GIPC2: variants seen among roughly 807,000 people sequenced by gnomAD.
GIPC2 encodes the protein PDZ domain-containing protein GIPC2.
A neutral mutation model predicts 30.6 loss-of-function variants in GIPC2; 30 were observed. That is an observed-to-expected ratio of 0.98 (90% CI 0.73 to 1.33). The LOEUF is 1.33. Ranked by LOEUF, GIPC2 falls within the 40% of genes most tolerant of loss-of-function variation. GIPC2 has a pLI of 0.00. For missense variants in GIPC2, 414 were observed against 390.3 expected (o/e 1.06, Z -0.51); for synonymous variants, 167 against 150.0 (o/e 1.11, Z -0.83).
intron 3 of GIPC2, among the ~76,000 whole-genome samples, chr1:78,119,082 A>G (rs761900839): frequency 3.3e-5 from 5 of 151,896 alleles, no homozygotes; most frequent in Non-Finnish European, 7.4e-5. Flanking sequence ...TGATGAAACC[A>G]CTTACTCCTC....
intron 2 of GIPC2, among the ~76,000 whole-genome samples, chr1:78,085,060 T>C (rs1401801950): frequency 6.6e-6 from 1 of 152,206 alleles, no homozygotes; most frequent in Non-Finnish European, 1.5e-5. Context: ...TTCAGTATAA[T>C]GTTGGCTGTG....
chr1:78,125,500 C>T (rs1470651084), intron 4 of GIPC2, among the ~76,000 whole-genome samples: 2 of 152,192 alleles, frequency 1.3e-5, no homozygotes, highest in Non-Finnish European at 2.9e-5. Context: ...AAGTCACCTT[C>T]TTTCTAAAGT....
chr1:78,074,881 A>G lies in GIPC2; in HGVS notation c.241-5794A>G, dbSNP rs544435795. Among the ~76,000 whole-genome samples the G allele has an allele frequency of 7.9e-5, 12 of 152,328 alleles. No homozygotes were observed. In the South Asian group the frequency reaches 8.3e-4, roughly 11 times the overall value. On this transcript the variant is annotated intron_variant, in intron 1 of 5. Coordinates refer to ENST00000370759, the MANE Select transcript of GIPC2 (RefSeq NM_017655.6). ...TTAAAAGAAACACAATTCACCATGT[A>G]CTTTAGATATTTTTTAAAGGATAAA... is the stretch of plus-strand genomic sequence containing the variant.
chr1:78,089,370 G>C (rs1661995044), intron 2 of GIPC2, among the ~76,000 whole-genome samples: 1 of 152,134 alleles, frequency 6.6e-6, no homozygotes, highest in South Asian at 2.1e-4. Flanking sequence ...TAAATATAAT[G>C]ACACGCTTAA....
At chr1:78,127,299 C>A (rs1221747810) in intron 5 of GIPC2, among the ~76,000 whole-genome samples, 1 of 152,198 alleles carries the variant, frequency 6.6e-6, no homozygotes, top group African/African-American at 2.4e-5. Flanking sequence ...TAGTATCAGG[C>A]AACACCTCAA....
At chr1:78,114,796 A>G (rs1442799588) in intron 3 of GIPC2, among the ~76,000 whole-genome samples, 1 of 152,164 alleles carries the variant, frequency 6.6e-6, no homozygotes. Context: ...AACTATGGAC[A>G]TTGGGTGATT....
intron 3 of GIPC2, among the ~76,000 whole-genome samples, chr1:78,110,258 T>C (rs557743879): frequency 3.8e-4 from 58 of 151,996 alleles, no homozygotes; most frequent in African/African-American, 1.3e-3. Context: ...TTGAGAGATA[T>C]CTGAAAATGG....
intron 1 of GIPC2, among the ~76,000 whole-genome samples, chr1:78,064,393 A>C (rs1471694948): frequency 2.0e-5 from 3 of 152,158 alleles, no homozygotes; most frequent in Admixed American, 6.5e-5. Flanking sequence ...GCTTCCCTCA[A>C]ATGCCAGTGG....
chr1:78,089,398 CAATT>C (rs1429433482), intron 2 of GIPC2, among the ~76,000 whole-genome samples: 2 of 152,324 alleles, frequency 1.3e-5, no homozygotes, highest in East Asian at 1.9e-4. Context: ...GCAGTACTCA[CAATT>C]AATAGCTAAT....
At position 78,135,590 on chromosome 1, in the gene GIPC2, A is replaced by G; in HGVS notation, c.797-2A>G. On this transcript the variant is annotated splice_acceptor_variant, in intron 5 of 5. Transcript: ENST00000370759. LOFTEE classifies it high-confidence loss of function. ...TTAATTTTTTAATATTATTTTTGAT[A>G]GCCACCACAATGTTTGAAGCTGGAA... 1 of 1,511,258 alleles carries G rather than the reference A, an allele frequency of 6.6e-7. No homozygotes were observed. Among genetic ancestry groups the G allele is most frequent in the East Asian group, 2.4e-5 (1 of 42,192 alleles). The allele number at this position is 1,511,258 out of a possible 1,614,324, so 93.6% of individuals were successfully genotyped here.
upstream of GIPC2, chr1:78,045,023 C>T: frequency 1.1e-6 from 1 of 900,168 alleles, no homozygotes; most frequent in Non-Finnish European, 1.3e-6. Context: ...AGGGTGGGGA[C>T]GGGGAGAGGA....
chr1:78,100,087 A>G (rs1662213510), intron 3 of GIPC2, among the ~76,000 whole-genome samples: 1 of 152,240 alleles, frequency 6.6e-6, no homozygotes, highest in Non-Finnish European at 1.5e-5. Context: ...ATAAAGGGAT[A>G]TAAGATAGAG....
intron 1 of GIPC2, among the ~76,000 whole-genome samples, chr1:78,060,917 CAATT>C (rs1661381013): frequency 6.8e-6 from 1 of 148,136 alleles, no homozygotes; most frequent in African/African-American, 2.5e-5. Context: ...TTTTTTAACT[CAATT>C]AAGAGCATAT....
In GIPC2 at chr1:78,136,834, G is replaced by C. The variant is rs933738979; in HGVS notation, c.*1091G>C. 1 of 152,032 alleles carries C rather than the reference G, an allele frequency of 6.6e-6. No homozygotes were observed. Among genetic ancestry groups the C allele is most frequent in the African/African-American group, 2.4e-5 (1 of 41,410 alleles). 9.4% of individuals were successfully genotyped at this position (152,032 alleles called of 1,614,324 possible). A position where few individuals can be genotyped will look rare whatever the true frequency, so the allele number is the denominator to read the frequency against. On this transcript the variant is annotated 3_prime_UTR_variant, in exon 6 of 6. Transcript: ENST00000370759. ...CACTCTTATTTGACATTTCGTAGGT[G>C]TAAGAGAAATGGAAATGAATGGTTT... is the stretch of plus-strand genomic sequence containing the variant.
chr1:78,056,193 A>G (rs1165517369), intron 1 of GIPC2, among the ~76,000 whole-genome samples: 2 of 152,174 alleles, frequency 1.3e-5, no homozygotes, highest in African/African-American at 4.8e-5. Context: ...AGTAAAACTT[A>G]TGGCTGGGCA....
At chr1:78,072,696 G>A (rs1661642992) in intron 1 of GIPC2, among the ~76,000 whole-genome samples, 1 of 152,038 alleles carries the variant, frequency 6.6e-6, no homozygotes, top group African/African-American at 2.4e-5. Context: ...TAGATAATAA[G>A]AACAACCCAG....
chr1:78,051,250 A>T (rs1487510811), intron 1 of GIPC2, among the ~76,000 whole-genome samples: 1 of 152,164 alleles, frequency 6.6e-6, no homozygotes, highest in African/African-American at 2.4e-5. Context: ...TAACAAAGAA[A>T]TATTATTAAC....
chr1:78,054,013 T>C (rs1427863681), intron 1 of GIPC2, among the ~76,000 whole-genome samples: 1 of 152,200 alleles, frequency 6.6e-6, no homozygotes, highest in African/African-American at 2.4e-5. Context: ...GTCTGCCTCT[T>C]GAGTCCTCTC....
intron 1 of GIPC2, among the ~76,000 whole-genome samples, chr1:78,077,955 G>A (rs1661746057): frequency 6.6e-6 from 1 of 151,938 alleles, no homozygotes; most frequent in Non-Finnish European, 1.5e-5. Context: ...TTGGGAGGCC[G>A]AGGCGGGCGG....
Sources: allele counts gnomAD v4.1 joint callset (sites outside exome capture counted in the v4.1 genomes callset), GRCh38; gene constraint gnomAD v4.1.1; transcripts MANE v1.5; gene names NCBI Gene and HGNC (gene_info 2026-07-23, HGNC 2026-07-21).